MYT1L: variants seen among roughly 807,000 people sequenced by gnomAD.
The protein encoded by MYT1L is myelin transcription factor 1-like protein.
In MYT1L, 12 loss-of-function variants were observed where a neutral mutation model predicts 126.7. The ratio of observed to expected loss-of-function variants is 0.09; its 90% CI spans 0.06 to 0.15. The LOEUF is 0.15. Ranked by LOEUF, MYT1L falls within the 10% of genes least tolerant of loss-of-function variation. MYT1L has a pLI of 1.00. For synonymous variants in MYT1L, 541 were observed against 604.2 expected (o/e 0.90, Z 1.53); for missense variants, 979 against 1,585.2 (o/e 0.62, Z 6.49).
At chr2:1,980,139 G>A (rs1257510507) in intron 5 of MYT1L, among the ~76,000 whole-genome samples, 5 of 149,492 alleles carry the variant, frequency 3.3e-5, no homozygotes, top group Non-Finnish European at 7.4e-5. Context: ...ACAGCCATTA[G>A]GTTTATAAGA....
chr2:2,108,328 AC>A (rs990456186), intron 3 of MYT1L, among the ~76,000 whole-genome samples: 1 of 152,124 alleles, frequency 6.6e-6, no homozygotes, highest in Non-Finnish European at 1.5e-5. Context: ...TTAGGAATGG[AC>A]TCAGCAGCCA....
chr2:2,306,857 G>C (rs959925128), intron 1 of MYT1L, among the ~76,000 whole-genome samples: 4 of 152,120 alleles, frequency 2.6e-5, no homozygotes, highest in Non-Finnish European at 5.9e-5. Flanking sequence ...GCCTCATAGG[G>C]TAGGTTACAC....
At chr2:1,945,324 C>T (rs564206876) in intron 8 of MYT1L, among the ~76,000 whole-genome samples, 2 of 152,184 alleles carry the variant, frequency 1.3e-5, no homozygotes, top group East Asian at 1.9e-4. Flanking sequence ...GCTAGAGATG[C>T]GGGGAGCAGA....
intron 4 of MYT1L, among the ~76,000 whole-genome samples, chr2:2,037,023 G>A (rs746414339): frequency 1.2e-4 from 19 of 152,284 alleles, no homozygotes; most frequent in African/African-American, 3.4e-4. Context: ...AGCAGTGTCC[G>A]AGGGTCCTTC....
At chr2:2,197,758 CACACACAA>C (rs1373316827) in intron 2 of MYT1L, among the ~76,000 whole-genome samples, 1 of 151,436 alleles carries the variant, frequency 6.6e-6, no homozygotes, top group Non-Finnish European at 1.5e-5. Context: ...CATGCACACA[CACACACAA>C]TGAATGTGTA....
chr2:2,209,544 C>T lies in MYT1L; in HGVS notation c.-420-36556G>A, dbSNP rs574915826. ...CTTGTTTAACTTAACATAATAACCT[C>T]CAGTTCTAACCATGTTCTTGTAAAA... On this transcript the variant is annotated intron_variant, in intron 2 of 24. Transcript: ENST00000647738. Among the ~76,000 whole-genome samples the T allele has an allele frequency of 3.9e-5, 6 of 152,278 alleles. No individual in the cohort carries two copies. In the East Asian group the frequency reaches 1.2e-3, roughly 29 times the overall value.
intron 3 of MYT1L, among the ~76,000 whole-genome samples, chr2:2,160,864 G>A (rs1559183842): frequency 6.6e-6 from 1 of 152,188 alleles, no homozygotes; most frequent in African/African-American, 2.4e-5. Context: ...GACCAAAGAA[G>A]AGGATTCAAA....
At chr2:2,252,441 T>A (rs928373050) in intron 2 of MYT1L, among the ~76,000 whole-genome samples, 1 of 152,228 alleles carries the variant, frequency 6.6e-6, no homozygotes, top group Non-Finnish European at 1.5e-5. Context: ...CCTATTGAGC[T>A]GCAGGGACGG....
At chr2:2,081,038 C>A (rs1030241124) in intron 3 of MYT1L, among the ~76,000 whole-genome samples, 3 of 152,102 alleles carry the variant, frequency 2.0e-5, no homozygotes, top group Non-Finnish European at 4.4e-5. Flanking sequence ...CTAATGGGTC[C>A]ATTGTCTCTT....
chr2:2,235,232 G>A (rs2094259432), intron 2 of MYT1L, among the ~76,000 whole-genome samples: 1 of 152,016 alleles, frequency 6.6e-6, no homozygotes, highest in South Asian at 2.1e-4. Context: ...TTAGAGGCGT[G>A]TGTATAGAGG....
chr2:2,085,371 G>A (rs988298565), intron 3 of MYT1L, among the ~76,000 whole-genome samples: 1 of 152,034 alleles, frequency 6.6e-6, no homozygotes, highest in African/African-American at 2.4e-5. Flanking sequence ...GTGTTCACAG[G>A]CACGTTCCTG....
chr2:1,888,121 GT>G (rs546950146), intron 16 of MYT1L, among the ~76,000 whole-genome samples: 117 of 152,308 alleles, frequency 7.7e-4, no homozygotes, highest in African/African-American at 2.7e-3. Flanking sequence ...TCCCTTGTGT[GT>G]TCAACTGCAG....
intron 4 of MYT1L, among the ~76,000 whole-genome samples, chr2:2,046,682 T>C (rs943674167): frequency 1.3e-5 from 2 of 152,230 alleles, no homozygotes; most frequent in African/African-American, 4.8e-5. Flanking sequence ...TCAGAGGTCA[T>C]GCTCTTGGCT....
intron 2 of MYT1L, among the ~76,000 whole-genome samples, chr2:2,281,831 C>T (rs1490071011): frequency 6.6e-6 from 1 of 152,128 alleles, no homozygotes; most frequent in Non-Finnish European, 1.5e-5. Context: ...AAACCCTTGA[C>T]ACAATCCAAC....
At chr2:2,237,951 G>A (rs576268538) in intron 2 of MYT1L, among the ~76,000 whole-genome samples, 56 of 152,258 alleles carry the variant, frequency 3.7e-4, no homozygotes, top group African/African-American at 1.2e-3. Flanking sequence ...TTTAAAGAGC[G>A]GGGCACACGT....
rs528287093 is a variant in MYT1L at position 2,157,078 on chromosome 2, G to A, written c.-304+15794C>T. Among the ~76,000 whole-genome samples the A allele has an allele frequency of 3.3e-5, 5 of 152,232 alleles. No homozygotes were observed. The South Asian group carries it at 8.3e-4, about 25-fold the overall frequency. On this transcript the variant is annotated intron_variant, in intron 3 of 24. Coordinates refer to ENST00000647738, the MANE Select transcript of MYT1L (RefSeq NM_001303052.2). ...AGTGTCCTGCTGAAATGCTGATGAC[G>A]TCACAGTCTGAATGGCTTATTACTC...
chr2:2,097,253 T>C (rs2077549192), intron 3 of MYT1L, among the ~76,000 whole-genome samples: 1 of 152,140 alleles, frequency 6.6e-6, no homozygotes, highest in African/African-American at 2.4e-5. Context: ...TACACGGCAG[T>C]GAGGCTGGAG....
At chr2:2,010,079 G>T (rs2063685256) in intron 4 of MYT1L, among the ~76,000 whole-genome samples, 1 of 152,116 alleles carries the variant, frequency 6.6e-6, no homozygotes, top group Non-Finnish European at 1.5e-5. Flanking sequence ...TTCTAAAGCT[G>T]TGCAAAGGCT....
At position 1,956,396 on chromosome 2, in the gene MYT1L, ATCTGTCTG is replaced by A. The variant is rs762342275; in HGVS notation, c.153-13070_153-13063del. Among the ~76,000 whole-genome samples, 86 of 64,528 alleles carry A rather than the reference ATCTGTCTG, an allele frequency of 1.3e-3. 1 individual carries two copies. Among genetic ancestry groups the A allele is most frequent in the Non-Finnish European group, 1.7e-3 (55 of 32,638 alleles). 42.3% of individuals were successfully genotyped at this position (64,528 alleles called of 152,430 possible). A position where few individuals can be genotyped will look rare whatever the true frequency, so the allele number is the denominator to read the frequency against. On this transcript the variant is annotated intron_variant, in intron 8 of 24. Coordinates refer to ENST00000647738, the MANE Select transcript of MYT1L (RefSeq NM_001303052.2). ...CTATTCTATATTTCCTATTCTTTCT[ATCTGTCTG>A]TCTATCTATCTATCTATCTATCTAT...
Sources: gnomAD v4.1 joint callset for allele counts (sites outside exome capture counted in the v4.1 genomes callset) on GRCh38, gnomAD v4.1.1 for gene constraint, MANE v1.5 for transcripts, NCBI Gene and HGNC (gene_info 2026-07-23, HGNC 2026-07-21) for gene names.